Variants in PRRC2C observed in about 807,000 individuals in gnomAD.
PRRC2C encodes the protein protein PRRC2C.
In PRRC2C, 72 loss-of-function variants were observed where a neutral mutation model predicts 317.2. The observed-to-expected ratio is 0.23, with a 90% CI of 0.19 to 0.28. PRRC2C has a LOEUF of 0.28. Ranked by LOEUF, PRRC2C falls within the 10% of genes least tolerant of loss-of-function variation. The pLI is 1.00. For synonymous variants in PRRC2C, 1,296 were observed against 1,205.9 expected (o/e 1.07, Z -1.55); for missense variants, 3,074 against 3,459.7 (o/e 0.89, Z 2.80).
intron 1 of PRRC2C, among the ~76,000 whole-genome samples, chr1:171,488,146 A>G (rs528605065): frequency 6.6e-6 from 1 of 152,322 alleles, no homozygotes; most frequent in East Asian, 1.9e-4. Context: ...TTAGTTAGGT[A>G]ACTTGTGTTT....
chr1:171,543,520 AGAT>A (rs1395395082), intron 16 of PRRC2C, among the ~76,000 whole-genome samples: 2 of 152,220 alleles, frequency 1.3e-5, no homozygotes, highest in East Asian at 3.9e-4. Flanking sequence ...GAAGATACTA[AGAT>A]GATACTTGTG....
chr1:171,550,558 G>T (rs1206006837), intron 18 of PRRC2C, among the ~76,000 whole-genome samples: 6 of 150,680 alleles, frequency 4.0e-5, no homozygotes, highest in Non-Finnish European at 5.9e-5. Context: ...ATGTTGGTGT[G>T]CTGCACCCAT....
intron 31 of PRRC2C, 135 bp from the exon 32 acceptor site, chr1:171,587,513 A>G (rs1466953774): frequency 4.6e-6 from 3 of 648,434 alleles, no homozygotes; most frequent in Non-Finnish European, 7.9e-6. Flanking sequence ...TAATACTTGA[A>G]GCCTAACTAT....
intron 7 of PRRC2C, 78 bp downstream of exon 7, chr1:171,522,337 A>T (rs1673734547): frequency 1.0e-6 from 1 of 991,358 alleles, no homozygotes; most frequent in South Asian, 1.5e-5. Flanking sequence ...GGATTGTGTG[A>T]TTCTGAGTTG....
chr1:171,589,192 C>T (rs1466088836), intron 33 of PRRC2C, among the ~76,000 whole-genome samples, 177 bp from the exon 34 acceptor site: 1 of 152,116 alleles, frequency 6.6e-6, no homozygotes, highest in Admixed American at 6.5e-5. Context: ...ACTCTCCAAG[C>T]ATGGCCTGTT....
chr1:171,485,603 T>C lies in PRRC2C; in HGVS notation c.-190T>C, dbSNP rs1253778158. The C allele has an allele frequency of 6.5e-6, 1 of 152,700 alleles. No homozygotes were observed. The highest frequency in any genetic ancestry group is 2.4e-5 in the African/African-American group (1 of 41,472). The allele number at this position is 152,700 out of a possible 1,614,324, so 9.5% of individuals were successfully genotyped here. A position where few individuals can be genotyped will look rare whatever the true frequency, so the allele number is the denominator to read the frequency against. On this transcript the variant is annotated 5_prime_UTR_variant, in exon 1 of 35. Transcript: ENST00000647382. Reference sequence around the variant, plus strand: ...CGAAAGTGCTTTGGCGGTTTGTCCATCCGCAGCTTCGGCTTTTCCAGTCTG... The same window carrying C: ...CGAAAGTGCTTTGGCGGTTTGTCCACCCGCAGCTTCGGCTTTTCCAGTCTG...
intron 1 of PRRC2C, among the ~76,000 whole-genome samples, chr1:171,496,836 T>C (rs1399579744): frequency 6.6e-6 from 1 of 151,890 alleles, no homozygotes; most frequent in Non-Finnish European, 1.5e-5. Flanking sequence ...GGTCTCACTC[T>C]GTTACCCAGG....
chr1:171,544,132 C>T (rs910949041), intron 16 of PRRC2C, among the ~76,000 whole-genome samples: 1 of 151,396 alleles, frequency 6.6e-6, no homozygotes, highest in African/African-American at 2.4e-5. Context: ...TTATTGAGGG[C>T]GTGGGTGAGG....
intron 30 of PRRC2C, among the ~76,000 whole-genome samples, chr1:171,585,052 C>T (rs1441017489): frequency 6.6e-6 from 1 of 152,174 alleles, no homozygotes; most frequent in African/African-American, 2.4e-5. Context: ...GTTGGGATTA[C>T]AGGCTTGAGC....
In PRRC2C at chr1:171,588,422, A is replaced by G. The variant is rs377611109; in HGVS notation, c.8116A>G (p.Ser2706Gly). The change falls in exon 33 of 35, where the codon AGC becomes GGC. Residue 2706 changes from serine to glycine, a missense_variant. Physicochemically the swap from Ser to Gly is moderately conservative, Grantham distance 56 (BLOSUM62 0). Transcript: ENST00000647382. ...SPNSQSSKMN[S>G]IVYQKQFQSA... ...GAACAGCCAGTCCAGCAAAATGAACAGCATTGTCTACCAGAAGCAGTTCCA... is the reference window on the plus strand; with the variant it reads ...GAACAGCCAGTCCAGCAAAATGAACGGCATTGTCTACCAGAAGCAGTTCCA... 5.6e-6 allele frequency: 9 copies of G among 1,613,560 alleles called. No individual in the cohort carries two copies. Among genetic ancestry groups the G allele is most frequent in the Non-Finnish European group, 6.8e-6 (8 of 1,179,662 alleles).
intron 19 of PRRC2C, among the ~76,000 whole-genome samples, chr1:171,560,606 C>CA (rs1412804315): frequency 1.3e-5 from 2 of 152,010 alleles, no homozygotes; most frequent in Admixed American, 1.3e-4. Flanking sequence ...ATTCCACCAG[C>CA]AAAAAAAGTA....
Position 171,550,124 on chromosome 1 carries a change from A to T in PRRC2C, c.5011A>T (p.Ile1671Phe). 7.5e-6 allele frequency: 12 copies of T among 1,608,598 alleles called. No homozygotes were observed. Among genetic ancestry groups the T allele is most frequent in the Non-Finnish European group, 1.0e-5 (12 of 1,177,252 alleles). ...IIDDHPEVTV[I>F]EDPQSNLNDD... Reference sequence around the variant, plus strand: ...TGATGATCATCCTGAAGTAACAGTAATTGAAGATCCCCAGTCAAATTTGAA... The same window carrying T: ...TGATGATCATCCTGAAGTAACAGTATTTGAAGATCCCCAGTCAAATTTGAA... Residue 1671 changes from isoleucine to phenylalanine, a missense_variant, in exon 18 of 35, where the codon ATT becomes TTT. Ile to Phe is a conservative substitution (Grantham distance 21). Coordinates refer to ENST00000647382, the MANE Select transcript of PRRC2C (RefSeq NM_001387844.1).
intron 25 of PRRC2C, among the ~76,000 whole-genome samples, chr1:171,576,114 C>A (rs958138213): frequency 6.6e-6 from 1 of 152,190 alleles, no homozygotes; most frequent in African/African-American, 2.4e-5. Flanking sequence ...CACTTTAAAA[C>A]CCTTCCTAGC....
At position 171,532,670 on chromosome 1, in the gene PRRC2C, G is replaced by A. The variant is rs1676094544; in HGVS notation, c.1582G>A (p.Glu528Lys). 6.4e-7 allele frequency: 1 copy of A among 1,551,498 alleles called. No homozygotes were observed. Among genetic ancestry groups the A allele is most frequent in the Admixed American group, 2.0e-5 (1 of 50,954 alleles). Residue 528 changes from glutamate (E) to lysine (K), a missense_variant, in exon 12 of 35, where the codon GAG (glutamate) becomes AAG (lysine). Coordinates refer to ENST00000647382, the MANE Select transcript of PRRC2C (RefSeq NM_001387844.1). ...EKELEKEQEQ[E>K]REKEREKDRE... The stretch of plus-strand genomic sequence containing the variant: ...AGAACTTGAAAAAGAACAAGAACAG[G>A]AGCGAGAGAAGGAGAGGGAAAAAGA...
rs1002328248 is a variant in PRRC2C at position 171,524,874 on chromosome 1, A to G, written c.1109A>G (p.Asp370Gly). The G allele has an allele frequency of 8.1e-6, 13 of 1,604,618 alleles. No homozygotes were observed. Among genetic ancestry groups the G allele is most frequent in the Middle Eastern group, 1.6e-4 (1 of 6,068 alleles). ...SENNENKKET[D>G]EVSNTKSSSQ... ...AACAACGAAAACAAAAAAGAAACAG[A>G]TGAAGTTTCCAACACTAAATCATCT... The change falls in exon 10 of 35, where the codon GAT becomes GGT. Residue 370 changes from aspartate to glycine, a missense_variant. Physicochemically the swap from Asp to Gly is moderately conservative, Grantham distance 94. Coordinates refer to ENST00000647382, the MANE Select transcript of PRRC2C (RefSeq NM_001387844.1).
chr1:171,579,656 A>C (rs186589761), intron 27 of PRRC2C, among the ~76,000 whole-genome samples, 172 bp from the exon 28 acceptor site: 9 of 152,348 alleles, frequency 5.9e-5, no homozygotes, highest in African/African-American at 2.2e-4. Flanking sequence ...TAGAATAAGT[A>C]GTGGGTTGAA....
chr1:171,497,622 C>T (rs1262207707), intron 1 of PRRC2C, among the ~76,000 whole-genome samples: 1 of 151,850 alleles, frequency 6.6e-6, no homozygotes, highest in Admixed American at 6.6e-5. Flanking sequence ...AGGCATGTGC[C>T]ACCAGGCCTG....
intron 9 of PRRC2C, among the ~76,000 whole-genome samples, chr1:171,524,603 CAT>C (rs1386188898): frequency 4.6e-5 from 7 of 152,086 alleles, no homozygotes; most frequent in African/African-American, 9.7e-5. Flanking sequence ...ATATGCCTGA[CAT>C]GTGTGTTTAG....
At chr1:171,496,295 C>T (rs1323638646) in intron 1 of PRRC2C, among the ~76,000 whole-genome samples, 3 of 148,600 alleles carry the variant, frequency 2.0e-5, no homozygotes, top group Non-Finnish European at 4.4e-5. Flanking sequence ...CTCTGCCTCC[C>T]GGGTGCAAGC....
Sources: allele counts gnomAD v4.1 joint callset (sites outside exome capture counted in the v4.1 genomes callset), GRCh38; gene constraint gnomAD v4.1.1; transcripts MANE v1.5; gene names NCBI Gene and HGNC (gene_info 2026-07-23, HGNC 2026-07-21).